PSMD1: variants seen among roughly 807,000 people sequenced by gnomAD.
PSMD1 encodes the protein proteasome 26S subunit, non-ATPase 1, also known as 26S proteasome non-ATPase regulatory subunit 1.
In PSMD1, 18 loss-of-function variants were observed where a neutral mutation model predicts 119.0. The observed-to-expected ratio is 0.15, with a 90% CI of 0.10 to 0.22. The LOEUF is 0.22. Ranked by LOEUF, PSMD1 falls within the 10% of genes least tolerant of loss-of-function variation. PSMD1 has a pLI of 1.00. For synonymous variants in PSMD1, 374 were observed against 396.6 expected, an observed-to-expected ratio of 0.94 and a Z score of 0.68; for missense variants, 702 against 1,158.5, an observed-to-expected ratio of 0.61 and a Z score of 5.72.
At chr2:231,094,709 A>G (rs1694685170) in intron 16 of PSMD1, among the ~76,000 whole-genome samples, 1 of 152,208 alleles carries the variant, frequency 6.6e-6, no homozygotes. Context: ...AGCGTTGGGT[A>G]TGGGGGAGTG....
chr2:231,093,211 T>C (rs775957377), intron 16 of PSMD1, among the ~76,000 whole-genome samples: 32 of 152,034 alleles, frequency 2.1e-4, no homozygotes, highest in Admixed American at 7.2e-4. Flanking sequence ...ATGAGCCCAA[T>C]AGAGAGTAGC....
At chr2:231,081,145 A>T (rs897109932) in intron 12 of PSMD1, among the ~76,000 whole-genome samples, 13 of 107,982 alleles carry the variant, frequency 1.2e-4, no homozygotes, top group Admixed American at 9.2e-4. Context: ...AACTCTGTCT[A>T]AAAAAAAAAA....
chr2:231,148,445 G>C (rs1189035930), intron 18 of PSMD1, among the ~76,000 whole-genome samples: 1 of 152,168 alleles, frequency 6.6e-6, no homozygotes, highest in Non-Finnish European at 1.5e-5. Flanking sequence ...TCCTTTAGGA[G>C]CTGGATAATC....
chr2:231,162,783 C>T (rs1462944117), intron 20 of PSMD1, among the ~76,000 whole-genome samples: 1 of 149,406 alleles, frequency 6.7e-6, no homozygotes, highest in Non-Finnish European at 1.5e-5. Context: ...GCTGAGATTG[C>T]ACCACTGCAC....
intron 6 of PSMD1, among the ~76,000 whole-genome samples, chr2:231,071,641 TTGC>T (rs1694043011): frequency 6.6e-6 from 1 of 152,160 alleles, no homozygotes; most frequent in Non-Finnish European, 1.5e-5. Context: ...GTTGAGTTAC[TTGC>T]TGCCTAAGGG....
chr2:231,135,830 A>G (rs779414558), intron 16 of PSMD1, among the ~76,000 whole-genome samples: 2 of 152,190 alleles, frequency 1.3e-5, no homozygotes, highest in Non-Finnish European at 2.9e-5. Flanking sequence ...ATTATTTCCA[A>G]ATTATTCATA....
chr2:231,167,489 G>C (rs1000860517), intron 23 of PSMD1, among the ~76,000 whole-genome samples: 1 of 152,190 alleles, frequency 6.6e-6, no homozygotes, highest in African/African-American at 2.4e-5. Context: ...AGCTATAACA[G>C]TTGGTCCACC....
intron 1 of PSMD1, among the ~76,000 whole-genome samples, chr2:231,058,819 G>A (rs549954446): frequency 2.0e-5 from 3 of 151,958 alleles, no homozygotes; most frequent in Admixed American, 6.6e-5. Context: ...CTCTTCCTCA[G>A]ATTTTCCCTT....
At chr2:231,154,702 CGA>C (rs1402716214) in intron 19 of PSMD1, among the ~76,000 whole-genome samples, 1 of 152,154 alleles carries the variant, frequency 6.6e-6, no homozygotes, top group Non-Finnish European at 1.5e-5. Context: ...CTCCTGGACT[CGA>C]GCAGTGTTCC....
intron 16 of PSMD1, among the ~76,000 whole-genome samples, chr2:231,124,470 G>A (rs1695667600): frequency 6.6e-6 from 1 of 151,840 alleles, no homozygotes; most frequent in Admixed American, 6.6e-5. Context: ...AGCCCAACAA[G>A]GGTCTAAATA....
At chr2:231,115,569 A>G (rs1471620135) in intron 16 of PSMD1, among the ~76,000 whole-genome samples, 1 of 152,156 alleles carries the variant, frequency 6.6e-6, no homozygotes, top group Non-Finnish European at 1.5e-5. Flanking sequence ...ATTACTGTAA[A>G]TAAACTTTGC....
At chr2:231,132,878 G>A (rs2125242967) in intron 16 of PSMD1, among the ~76,000 whole-genome samples, 1 of 152,310 alleles carries the variant, frequency 6.6e-6, no homozygotes, top group East Asian at 1.9e-4. Context: ...TAAGATTTAA[G>A]GGGTTCTCTT....
At chr2:231,123,913 G>GCAC in intron 16 of PSMD1, 1 of 696,386 alleles carries the variant, frequency 1.4e-6, no homozygotes, top group Non-Finnish European at 2.6e-6. Flanking sequence ...AAAAATTCAA[G>GCAC]TTCTCTAAAA....
At chr2:231,122,368 T>C (rs995225626) in intron 16 of PSMD1, among the ~76,000 whole-genome samples, 1 of 152,004 alleles carries the variant, frequency 6.6e-6, no homozygotes, top group Non-Finnish European at 1.5e-5. Flanking sequence ...ATAGCAGGGG[T>C]TTTTTACCTT....
intron 16 of PSMD1, among the ~76,000 whole-genome samples, chr2:231,106,430 C>T (rs1192074297): frequency 1.3e-5 from 2 of 152,032 alleles, no homozygotes; most frequent in Admixed American, 6.6e-5. Context: ...CCAGGCTGAC[C>T]AACACAGCGA....
At chr2:231,164,031 T>A (rs114730494) in intron 21 of PSMD1, among the ~76,000 whole-genome samples, 3,475 of 152,004 alleles carry the variant, frequency 0.023, 140 homozygotes, top group African/African-American at 0.078. Context: ...TTAACTATAT[T>A]TTTTTTTATT....
intron 17 of PSMD1, among the ~76,000 whole-genome samples, chr2:231,144,052 G>A (rs1323253502): frequency 1.3e-5 from 2 of 152,010 alleles, no homozygotes; most frequent in Non-Finnish European, 2.9e-5. Context: ...CATCTGAGAT[G>A]TTACCTTACT....
At position 231,062,510 on chromosome 2, in the gene PSMD1, G is replaced by A. The variant is rs1197507261; in HGVS notation, c.139G>A (p.Val47Ile). 1.3e-6 allele frequency: 2 copies of A among 1,591,334 alleles called. No individual in the cohort carries two copies. The highest frequency in any genetic ancestry group is 1.7e-6 in the Non-Finnish European group (2 of 1,171,608). The stretch of plus-strand genomic sequence containing the variant: ...GTACTTCCTAATTTCTTTCAGAGAG[G>A]TTTTATACGAAGATGAAGGTTTCCG... ...EISESVDKIE[V>I]LYEDEGFRSR... Residue 47 changes from valine to isoleucine, a missense_variant, in exon 4 of 25, where the codon GTT (valine) becomes ATT (isoleucine). Val to Ile is a conservative substitution (Grantham distance 29, BLOSUM62 3). This residue lies in a region of PSMD1 where 60 missense variants were observed against 118.2 expected (regional missense o/e 0.51). Transcript: ENST00000308696.
At chr2:231,145,084 C>T (rs954682526) in intron 17 of PSMD1, among the ~76,000 whole-genome samples, 4 of 152,174 alleles carry the variant, frequency 2.6e-5, no homozygotes, top group Admixed American at 1.3e-4. Flanking sequence ...ATTCCATTCA[C>T]GTAGTTGTTA....
Sources: allele counts gnomAD v4.1 joint callset (sites outside exome capture counted in the v4.1 genomes callset), GRCh38; gene constraint gnomAD v4.1.1; regional missense constraint gnomAD v4.1.1; transcripts MANE v1.5; gene names NCBI Gene and HGNC (gene_info 2026-07-23, HGNC 2026-07-21).